Variants in SLC8A1 observed in about 807,000 individuals in gnomAD.
The protein encoded by SLC8A1 is sodium/calcium exchanger 1.
A neutral mutation model predicts 68.3 loss-of-function variants in SLC8A1; 18 were observed. That is an observed-to-expected ratio of 0.26 (90% CI 0.18 to 0.39). The LOEUF (loss-of-function observed/expected upper bound fraction) is 0.39, where lower values mean the gene tolerates loss of function less well. Among genes scored for constraint, SLC8A1 ranks in the 10% least tolerant of loss-of-function variants. The pLI, the probability that SLC8A1 is intolerant of heterozygous loss-of-function variation, is 1.00. For synonymous variants in SLC8A1, 475 were observed against 415.5 expected (o/e 1.14, Z -1.74); for missense variants, 985 against 1,156.7 (o/e 0.85, Z 2.15).
intron 2 of SLC8A1, among the ~76,000 whole-genome samples, chr2:40,388,481 A>C (rs1474036407): frequency 6.6e-6 from 1 of 152,148 alleles, no homozygotes; most frequent in Non-Finnish European, 1.5e-5. Context: ...AAGCTTCTAA[A>C]CCATGAGAAG....
At chr2:40,453,729 G>T (rs41281451), upstream of SLC8A1, among the ~76,000 whole-genome samples, 39,578 of 152,188 alleles carry the variant, frequency 0.26, 6,679 homozygotes, top group Non-Finnish European at 0.39. Context: ...CCTCAAACAT[G>T]AATGTGAGTA....
intron 2 of SLC8A1, among the ~76,000 whole-genome samples, chr2:40,367,659 C>T (rs1360940390): frequency 6.6e-6 from 1 of 151,998 alleles, no homozygotes; most frequent in African/African-American, 2.4e-5. Context: ...TAGATGCCTC[C>T]AGACTGTCAA....
chr2:40,168,356 G>A (rs2046903999), intron 4 of SLC8A1, among the ~76,000 whole-genome samples: 1 of 152,090 alleles, frequency 6.6e-6, no homozygotes, highest in South Asian at 2.1e-4. Context: ...GATAGGAGGT[G>A]GTGGAATGCG....
intron 1 of SLC8A1, among the ~76,000 whole-genome samples, chr2:40,462,844 G>A (rs1007855445): frequency 2.6e-5 from 4 of 152,130 alleles, no homozygotes; most frequent in Middle Eastern, 3.4e-3. Flanking sequence ...AAATAAAACA[G>A]CAGGAATGAG....
At chr2:40,215,011 A>C (rs919698364) in intron 2 of SLC8A1, among the ~76,000 whole-genome samples, 1 of 152,144 alleles carries the variant, frequency 6.6e-6, no homozygotes, top group Non-Finnish European at 1.5e-5. Context: ...GGAACACTGT[A>C]AAGTCAAACA....
At chr2:40,204,725 TTAA>T (rs1344751138) in intron 2 of SLC8A1, among the ~76,000 whole-genome samples, 32 of 152,038 alleles carry the variant, frequency 2.1e-4, no homozygotes, top group Admixed American at 2.1e-3. Flanking sequence ...AGGTGAAAAT[TTAA>T]TAATAACTTT....
intron 1 of SLC8A1, among the ~76,000 whole-genome samples, chr2:40,465,583 T>C (rs1703623512): frequency 6.6e-6 from 1 of 152,146 alleles, no homozygotes; most frequent in African/African-American, 2.4e-5. Context: ...TGTTTATACA[T>C]TAAGTAACGT....
At chr2:40,223,794 T>C (rs1240121680) in intron 2 of SLC8A1, 1 of 152,078 alleles carries the variant, frequency 6.6e-6, no homozygotes, top group Non-Finnish European at 1.5e-5. Flanking sequence ...TTCACTTCAA[T>C]TAAGTAACTA....
At chr2:40,160,905 T>C in intron 5 of SLC8A1, 41 bp from the exon 9 acceptor site, 1 of 1,456,456 alleles carries the variant, frequency 6.9e-7, no homozygotes, top group Non-Finnish European at 9.6e-7. Context: ...CTGGGTTCGC[T>C]AAGGCCTCAG....
At chr2:40,104,600 T>C (rs2034084954) in exon 8 of SLC8A1, 1 of 152,186 alleles carries the variant, frequency 6.6e-6, no homozygotes, top group South Asian at 2.1e-4. Context: ...TTAATTTAAT[T>C]AGAATGCCAT....
chr2:40,434,098 C>T (rs1698931197), intron 1 of SLC8A1, among the ~76,000 whole-genome samples: 1 of 152,186 alleles, frequency 6.6e-6, no homozygotes, highest in African/African-American at 2.4e-5. Flanking sequence ...CCCTTTATCC[C>T]TTCCCTAGCC....
At chr2:40,359,958 A>G (rs1481392745) in intron 2 of SLC8A1, among the ~76,000 whole-genome samples, 1 of 151,824 alleles carries the variant, frequency 6.6e-6, no homozygotes, top group African/African-American at 2.4e-5. Context: ...CAGATACATA[A>G]TGAGTAACGG....
At chr2:40,272,443 T>A (rs2066163823) in intron 2 of SLC8A1, among the ~76,000 whole-genome samples, 1 of 152,154 alleles carries the variant, frequency 6.6e-6, no homozygotes, top group Admixed American at 6.5e-5. Context: ...CTGAATTCAT[T>A]TGCAGACAAG....
At chr2:40,393,011 G>A (rs1361319028) in intron 2 of SLC8A1, among the ~76,000 whole-genome samples, 4 of 152,006 alleles carry the variant, frequency 2.6e-5, no homozygotes, top group African/African-American at 7.2e-5. Flanking sequence ...CAGGAGAAAT[G>A]TTGTCAAATC....
Position 40,495,600 on chromosome 2 carries a change from C to T in SLC8A1, c.-25+16749G>A, listed in dbSNP as rs534207388. On this transcript the variant is annotated intron_variant, in intron 1 of 7. Transcript: ENST00000402441. ...AAATCAACACGAACAATGAGAACTT[C>T]GTGACAAAATCTACCAATCTATTAT... Among the ~76,000 whole-genome samples the T allele has an allele frequency of 1.3e-4, 20 of 152,102 alleles. No individual in the cohort carries two copies. The South Asian group carries it at 1.9e-3, about 14-fold the overall frequency.
intron 2 of SLC8A1, among the ~76,000 whole-genome samples, chr2:40,380,868 T>A (rs1681521539): frequency 6.6e-6 from 1 of 152,070 alleles, no homozygotes; most frequent in Non-Finnish European, 1.5e-5. Context: ...AATGTGCTAC[T>A]TTTCAACAAA....
chr2:40,153,918 A>C (rs1453876914), intron 6 of SLC8A1, among the ~76,000 whole-genome samples: 1 of 152,148 alleles, frequency 6.6e-6, no homozygotes, highest in Non-Finnish European at 1.5e-5. Flanking sequence ...TACCTTCCCC[A>C]TGTGTAACTG....
At chr2:40,415,895 CACACACACACACACACAT>C (rs1693698138) in intron 2 of SLC8A1, among the ~76,000 whole-genome samples, 1 of 149,382 alleles carries the variant, frequency 6.7e-6, no homozygotes, top group African/African-American at 2.5e-5. Context: ...CACACACACA[CACACACACACACACACAT>C]TAGCTGGGCG....
At chr2:40,151,223 A>C (rs948255401) in intron 6 of SLC8A1, among the ~76,000 whole-genome samples, 1 of 152,114 alleles carries the variant, frequency 6.6e-6, no homozygotes, top group African/African-American at 2.4e-5. Context: ...ACATAGAGAA[A>C]ACAAATGTCT....
Sources: allele counts gnomAD v4.1 joint callset (sites outside exome capture counted in the v4.1 genomes callset), GRCh38; gene constraint gnomAD v4.1.1; transcripts MANE v1.5; gene names NCBI Gene and HGNC (gene_info 2026-07-23, HGNC 2026-07-21).